Variants in ASIC2 observed in about 807,000 individuals in gnomAD.
The protein encoded by ASIC2 is acid-sensing ion channel 2.
A neutral mutation model predicts 57.3 loss-of-function variants in ASIC2; 25 were observed. That is an observed-to-expected ratio of 0.44 (90% CI 0.32 to 0.61). ASIC2 has a LOEUF of 0.61. Among genes scored for constraint, ASIC2 ranks in the 20% least tolerant of loss-of-function variants. The probability of loss-of-function intolerance (pLI) is 0.06; values close to 1 mark genes in which losing one functional copy is unlikely to be tolerated. For synonymous variants in ASIC2, 319 were observed against 307.5 expected (o/e 1.04, Z -0.39); for missense variants, 641 against 738.1 (o/e 0.87, Z 1.52).
intron 1 of ASIC2, among the ~76,000 whole-genome samples, chr17:33,408,226 C>A (rs539891411): frequency 1.6e-4 from 24 of 152,264 alleles, no homozygotes; most frequent in African/African-American, 2.4e-4. Flanking sequence ...CAATAACCAA[C>A]GTTTGTTGCA....
intron 1 of ASIC2, among the ~76,000 whole-genome samples, chr17:33,396,457 C>T (rs995294228): frequency 1.3e-5 from 2 of 152,130 alleles, no homozygotes; most frequent in Non-Finnish European, 2.9e-5. Context: ...ATGATTATTT[C>T]CTTTATTTTA....
chr17:33,453,194 C>T (rs1386651473), intron 1 of ASIC2, among the ~76,000 whole-genome samples: 3 of 151,362 alleles, frequency 2.0e-5, no homozygotes, highest in Admixed American at 1.3e-4. Context: ...TTAGAGAAAG[C>T]CTGTGTTTTT....
At chr17:34,106,492 C>G (rs866196051) in intron 1 of ASIC2, among the ~76,000 whole-genome samples, 2 of 152,042 alleles carry the variant, frequency 1.3e-5, no homozygotes, top group African/African-American at 4.8e-5. Flanking sequence ...AAGAAACCTC[C>G]CCTCTCCTGT....
intron 1 of ASIC2, among the ~76,000 whole-genome samples, chr17:33,599,957 G>T (rs1905082846): frequency 6.6e-6 from 1 of 152,088 alleles, no homozygotes. Context: ...TTCTCTCCTT[G>T]TGAGCTGTTC....
At chr17:33,697,118 A>G (rs1032315373) in intron 1 of ASIC2, among the ~76,000 whole-genome samples, 1 of 151,834 alleles carries the variant, frequency 6.6e-6, no homozygotes, top group African/African-American at 2.4e-5. Context: ...ATGTACCTGC[A>G]CCCCCTTTGC....
intron 1 of ASIC2, among the ~76,000 whole-genome samples, chr17:33,325,317 T>C (rs537361447): frequency 1.3e-5 from 2 of 152,236 alleles, no homozygotes; most frequent in South Asian, 4.2e-4. Flanking sequence ...TTTGGGATAG[T>C]AAGAGAAGGC....
chr17:33,416,411 C>T (rs955533070), intron 1 of ASIC2, among the ~76,000 whole-genome samples: 3 of 152,224 alleles, frequency 2.0e-5, no homozygotes, highest in Non-Finnish European at 4.4e-5. Context: ...TAGCTCGTGG[C>T]ATCACCAATC....
At chr17:33,603,550 A>G (rs1316851835) in intron 1 of ASIC2, among the ~76,000 whole-genome samples, 2 of 152,162 alleles carry the variant, frequency 1.3e-5, no homozygotes, top group Admixed American at 6.5e-5. Flanking sequence ...CAAGAGAGAA[A>G]TAAATGCATG....
chr17:33,101,600 A>T (rs1180886978), intron 2 of ASIC2, among the ~76,000 whole-genome samples: 1 of 152,206 alleles, frequency 6.6e-6, no homozygotes, highest in Non-Finnish European at 1.5e-5. Context: ...TGTAGGAATC[A>T]TCTACAATCA....
chr17:33,578,794 T>C (rs1379996076), intron 1 of ASIC2, among the ~76,000 whole-genome samples: 2 of 37,586 alleles, frequency 5.3e-5, no homozygotes, highest in South Asian at 1.1e-3. Flanking sequence ...ATCCTAAGAT[T>C]AGTCTAGTCA....
At chr17:33,826,928 T>TG (rs138717952) in intron 1 of ASIC2, among the ~76,000 whole-genome samples, 6,582 of 152,268 alleles carry the variant, frequency 0.043, 168 homozygotes, top group Middle Eastern at 0.1. Flanking sequence ...CTAAATTACA[T>TG]GGCATAGAGA....
At chr17:33,098,544 G>A (rs2092194036) in intron 2 of ASIC2, among the ~76,000 whole-genome samples, 1 of 152,140 alleles carries the variant, frequency 6.6e-6, no homozygotes, top group Non-Finnish European at 1.5e-5. Flanking sequence ...TGTTCTGGGT[G>A]GCAGCGTGAT....
At chr17:33,153,408 T>C (rs942987093) in intron 1 of ASIC2, among the ~76,000 whole-genome samples, 1 of 152,214 alleles carries the variant, frequency 6.6e-6, no homozygotes, top group East Asian at 1.9e-4. Flanking sequence ...CACAGGCTAA[T>C]AACTCAAGAG....
intron 1 of ASIC2, among the ~76,000 whole-genome samples, chr17:33,706,965 T>C (rs917312250): frequency 6.6e-6 from 1 of 152,222 alleles, no homozygotes; most frequent in Non-Finnish European, 1.5e-5. Flanking sequence ...AAAATTCAAG[T>C]AGCTTCTGAA....
chr17:33,059,628 A>G (rs1267602916), intron 3 of ASIC2, among the ~76,000 whole-genome samples: 1 of 152,218 alleles, frequency 6.6e-6, no homozygotes, highest in Non-Finnish European at 1.5e-5. Context: ...ATACGTGTGC[A>G]TGTGTCTTTA....
At chr17:33,157,394 G>T (rs1366079232) in intron 1 of ASIC2, among the ~76,000 whole-genome samples, 2 of 152,206 alleles carry the variant, frequency 1.3e-5, no homozygotes, top group Non-Finnish European at 2.9e-5. Flanking sequence ...GCTCTTTGAG[G>T]TTAAGTAACT....
At chr17:33,450,339 T>A (rs946475247) in intron 1 of ASIC2, among the ~76,000 whole-genome samples, 6 of 152,202 alleles carry the variant, frequency 3.9e-5, no homozygotes, top group African/African-American at 1.4e-4. Context: ...TTTATTTAGG[T>A]ATAACCTCCC....
chr17:33,550,696 T>C (rs1229529578), intron 1 of ASIC2, among the ~76,000 whole-genome samples: 1 of 152,116 alleles, frequency 6.6e-6, no homozygotes, highest in Non-Finnish European at 1.5e-5. Context: ...TAGCAAGAGG[T>C]ATGATGAGCC....
At chr17:33,904,949 G>A (rs1915315637) in intron 1 of ASIC2, among the ~76,000 whole-genome samples, 1 of 152,142 alleles carries the variant, frequency 6.6e-6, no homozygotes, top group Non-Finnish European at 1.5e-5. Context: ...GTTGGTCAAA[G>A]TCATCTTGAC....
Sources: allele counts gnomAD v4.1 joint callset (sites outside exome capture counted in the v4.1 genomes callset), GRCh38; gene constraint gnomAD v4.1.1; transcripts MANE v1.5; gene names NCBI Gene and HGNC (gene_info 2026-07-23, HGNC 2026-07-21).